RANBP2: variants seen among roughly 807,000 people sequenced by gnomAD.
The protein encoded by RANBP2 is E3 SUMO-protein ligase RanBP2.
In RANBP2, 57 loss-of-function variants were observed where a neutral mutation model predicts 303.6. The ratio of observed to expected loss-of-function variants is 0.19; its 90% CI spans 0.15 to 0.23. RANBP2 has a LOEUF of 0.23. Among genes scored for constraint, RANBP2 ranks in the 10% least tolerant of loss-of-function variants. The probability of loss-of-function intolerance (pLI) is 1.00; values close to 1 mark genes in which losing one functional copy is unlikely to be tolerated. For missense variants in RANBP2, 3,138 were observed against 3,780.8 expected (o/e 0.83, Z 4.46); for synonymous variants, 1,167 against 1,301.5 (o/e 0.90, Z 2.23).
downstream of RANBP2, chr2:108,786,945 G>C (rs752556858): frequency 1.5e-5 from 22 of 1,443,492 alleles, no homozygotes; most frequent in South Asian, 2.7e-5. Flanking sequence ...TCCGCGGGTG[G>C]GCTCCTGCTG....
At chr2:109,026,882 G>A in the RANBP2 span, among the ~76,000 whole-genome samples, 9,737 of 152,066 alleles carry the variant, frequency 0.064, 412 homozygotes, top group Middle Eastern at 0.16. Flanking sequence ...GTGAAACCCC[G>A]TCTCTACTAA....
chr2:109,093,327 C>T, the RANBP2 span, among the ~76,000 whole-genome samples: 1 of 151,120 alleles, frequency 6.6e-6, no homozygotes, highest in African/African-American at 2.4e-5. Context: ...GGTTCCCCAC[C>T]CCCACAACCA....
At chr2:109,383,506 C>T in the RANBP2 span, among the ~76,000 whole-genome samples, 3 of 152,162 alleles carry the variant, frequency 2.0e-5, no homozygotes, top group African/African-American at 7.2e-5. Context: ...TCCATGGTAC[C>T]TTCTGTTAAT....
chr2:109,510,394 A>C, the RANBP2 span, among the ~76,000 whole-genome samples: 1 of 152,176 alleles, frequency 6.6e-6, no homozygotes, highest in African/African-American at 2.4e-5. Flanking sequence ...CGTCTCTGCC[A>C]AGGGGGCGGT....
the RANBP2 span, among the ~76,000 whole-genome samples, chr2:109,399,973 A>AT: frequency 6.6e-6 from 1 of 152,196 alleles, no homozygotes; most frequent in Non-Finnish European, 1.5e-5. Context: ...CACGCTCCAC[A>AT]TTCCTTCCAG....
chr2:109,454,369 C>T, the RANBP2 span, among the ~76,000 whole-genome samples: 1 of 152,200 alleles, frequency 6.6e-6, no homozygotes, highest in Non-Finnish European at 1.5e-5. Flanking sequence ...AGGGTCTGGG[C>T]CATTTTTAGT....
chr2:108,735,470 A>G (rs578224783), intron 4 of RANBP2, 62 bp from the exon 5 acceptor site: 47 of 1,597,366 alleles, frequency 2.9e-5, no homozygotes, highest in South Asian at 4.4e-5. Context: ...CTTTGGGAGC[A>G]TGACTTGTTT....
the RANBP2 span, among the ~76,000 whole-genome samples, chr2:109,587,079 G>C: frequency 6.6e-6 from 1 of 152,184 alleles, no homozygotes; most frequent in Non-Finnish European, 1.5e-5. Context: ...TGTTTAATTA[G>C]CAGGTAAGAA....
the RANBP2 span, among the ~76,000 whole-genome samples, chr2:109,030,729 C>T: frequency 6.6e-6 from 1 of 152,118 alleles, no homozygotes; most frequent in Non-Finnish European, 1.5e-5. Context: ...TATCCAGGTT[C>T]TGTCTCTTGA....
At chr2:109,096,339 T>A in the RANBP2 span, among the ~76,000 whole-genome samples, 1 of 152,246 alleles carries the variant, frequency 6.6e-6, no homozygotes, top group Non-Finnish European at 1.5e-5. Context: ...ATTCCTATAA[T>A]TCTAATATGG....
the RANBP2 span, among the ~76,000 whole-genome samples, chr2:109,317,584 A>G: frequency 6.6e-6 from 1 of 152,130 alleles, no homozygotes; most frequent in Non-Finnish European, 1.5e-5. Context: ...CTTCTGAGGT[A>G]CAGAACAGTC....
chr2:109,410,808 C>T, the RANBP2 span, among the ~76,000 whole-genome samples: 2 of 152,050 alleles, frequency 1.3e-5, no homozygotes, highest in Non-Finnish European at 2.9e-5. Flanking sequence ...GGCGCGACTT[C>T]GTGGGAGACA....
intron 2 of RANBP2, among the ~76,000 whole-genome samples, 187 bp from the exon 3 acceptor site, chr2:108,730,587 A>G (rs1474514900): frequency 2.0e-5 from 3 of 152,310 alleles, no homozygotes; most frequent in Non-Finnish European, 2.9e-5. Flanking sequence ...GGTCAACTCT[A>G]TGTACGTGTT....
chr2:109,384,231 AGAG>A, the RANBP2 span, among the ~76,000 whole-genome samples: 1 of 152,132 alleles, frequency 6.6e-6, no homozygotes, highest in Non-Finnish European at 1.5e-5. Context: ...TGAATGAAGC[AGAG>A]GAGAACCCTG....
At chr2:109,599,549 G>A in the RANBP2 span, among the ~76,000 whole-genome samples, 1 of 151,930 alleles carries the variant, frequency 6.6e-6, no homozygotes, top group Non-Finnish European at 1.5e-5. Context: ...TGCATGGCCT[G>A]TTTGCATATC....
At chr2:109,585,446 T>G in the RANBP2 span, 1 of 799,038 alleles carries the variant, frequency 1.3e-6, no homozygotes, top group East Asian at 2.6e-5. Flanking sequence ...ATGAAAGAAA[T>G]ACACACTACG....
At chr2:109,730,226 G>T in the RANBP2 span, among the ~76,000 whole-genome samples, 1 of 152,198 alleles carries the variant, frequency 6.6e-6, no homozygotes, top group Non-Finnish European at 1.5e-5. Context: ...CAGAGAAAGA[G>T]ACACCTTATT....
the RANBP2 span, among the ~76,000 whole-genome samples, chr2:109,084,093 GGCACA>G: frequency 6.6e-6 from 1 of 152,138 alleles, no homozygotes; most frequent in African/African-American, 2.4e-5. Flanking sequence ...TTAGGTTCCT[GGCACA>G]GCTTCGCCTC....
the RANBP2 span, chr2:109,615,637 G>A: frequency 3.1e-6 from 5 of 1,613,816 alleles, no homozygotes; most frequent in Non-Finnish European, 8.5e-7. Context: ...CAGTACCTGA[G>A]TCGGAGCATC....
Sources: allele counts gnomAD v4.1 joint callset (sites outside exome capture counted in the v4.1 genomes callset), GRCh38; gene constraint gnomAD v4.1.1; transcripts MANE v1.5; gene names NCBI Gene and HGNC (gene_info 2026-07-23, HGNC 2026-07-21).